DLG1: variants seen among roughly 807,000 people sequenced by gnomAD.
DLG1 encodes disks large homolog 1.
Under a neutral mutation model 123.4 loss-of-function variants are expected in DLG1, and 42 were observed. That is an observed-to-expected ratio of 0.34 (90% CI 0.27 to 0.44). The LOEUF (loss-of-function observed/expected upper bound fraction) is 0.44, where lower values mean the gene tolerates loss of function less well. DLG1 is among the 20% of genes least tolerant of loss of function. The pLI is 1.00. For synonymous variants in DLG1, 317 were observed against 356.2 expected (o/e 0.89, Z 1.24); for missense variants, 942 against 1,082.6 (o/e 0.87, Z 1.82).
chr3:197,063,879 T>G (rs372813299), intron 22 of DLG1, among the ~76,000 whole-genome samples: 2 of 151,936 alleles, frequency 1.3e-5, no homozygotes, highest in Non-Finnish European at 2.9e-5. Flanking sequence ...TATTTCTCCC[T>G]GAATCTGATA....
At chr3:197,275,546 T>C (rs530579801) in intron 4 of DLG1, among the ~76,000 whole-genome samples, 23 of 152,226 alleles carry the variant, frequency 1.5e-4, no homozygotes, top group East Asian at 5.8e-4. Context: ...ATATAGACAA[T>C]AGAATATTAT....
intron 19 of DLG1, among the ~76,000 whole-genome samples, chr3:197,067,235 T>C (rs1445378373): frequency 6.6e-6 from 1 of 152,034 alleles, no homozygotes; most frequent in Non-Finnish European, 1.5e-5. Context: ...TTAAAAATTA[T>C]AAATGCAAAG....
At chr3:197,244,901 C>T (rs565344631) in intron 4 of DLG1, among the ~76,000 whole-genome samples, 4 of 152,086 alleles carry the variant, frequency 2.6e-5, no homozygotes, top group Admixed American at 6.5e-5. Context: ...GGAAGAGAGA[C>T]CAAGTACATA....
At chr3:197,155,084 T>C (rs1303173783) in intron 5 of DLG1, among the ~76,000 whole-genome samples, 1 of 152,050 alleles carries the variant, frequency 6.6e-6, no homozygotes, top group Non-Finnish European at 1.5e-5. Flanking sequence ...AGAAGCTCAA[T>C]AAACAATAAT....
chr3:197,280,289 T>G (rs1049151766), intron 4 of DLG1, among the ~76,000 whole-genome samples: 1 of 152,172 alleles, frequency 6.6e-6, no homozygotes, highest in African/African-American at 2.4e-5. Context: ...TCCATGTTGC[T>G]GCAAATGACA....
intron 5 of DLG1, among the ~76,000 whole-genome samples, chr3:197,154,237 G>A (rs1427140904): frequency 6.6e-6 from 1 of 152,040 alleles, no homozygotes; most frequent in Non-Finnish European, 1.5e-5. Flanking sequence ...AGGAGGTGGA[G>A]GTTGCAATGA....
intron 3 of DLG1, among the ~76,000 whole-genome samples, chr3:197,286,793 A>C (rs1772067604): frequency 6.6e-6 from 1 of 151,948 alleles, no homozygotes; most frequent in East Asian, 1.9e-4. Flanking sequence ...CAATGGTATG[A>C]TCATGCTCAT....
chr3:197,048,331 T>A (rs1724848535), intron 24 of DLG1, among the ~76,000 whole-genome samples: 1 of 152,012 alleles, frequency 6.6e-6, no homozygotes, highest in African/African-American at 2.4e-5. Flanking sequence ...ATTAGCCGGG[T>A]GTGGTGGCAT....
intron 4 of DLG1, among the ~76,000 whole-genome samples, chr3:197,224,020 C>CA (rs1318990827): frequency 6.6e-6 from 1 of 152,124 alleles, no homozygotes; most frequent in African/African-American, 2.4e-5. Context: ...GGTTAAGCCC[C>CA]AAAATAACCC....
chr3:197,086,271 T>C (rs946017189), intron 15 of DLG1, among the ~76,000 whole-genome samples: 1 of 152,222 alleles, frequency 6.6e-6, no homozygotes, highest in African/African-American at 2.4e-5. Flanking sequence ...GTAACAATGA[T>C]GGACACTAAT....
At chr3:197,292,635 G>C (rs965975369) in intron 3 of DLG1, among the ~76,000 whole-genome samples, 5 of 152,058 alleles carry the variant, frequency 3.3e-5, no homozygotes, top group African/African-American at 4.8e-5. Flanking sequence ...ATAAAGATAG[G>C]GTAATGTCCT....
At chr3:197,233,671 C>T (rs1744451440) in intron 4 of DLG1, among the ~76,000 whole-genome samples, 1 of 152,170 alleles carries the variant, frequency 6.6e-6, no homozygotes, top group African/African-American at 2.4e-5. Flanking sequence ...AGGTGTGAGC[C>T]ACCATGCCTG....
rs866194880 is a variant in DLG1, at chr3:197,177,642, G to A, written c.483+16783C>T. ...TCAGAAAATAAATGGTTATAACAGA[G>A]TGACCCCATATGCCTCTATTTACTT... On this transcript the variant is annotated intron_variant, in intron 5 of 24. Transcript: ENST00000667157. Among the ~76,000 whole-genome samples the A allele has an allele frequency of 1.3e-4, 20 of 152,152 alleles. 1 individual carries two copies. The highest frequency in any genetic ancestry group is 7.2e-4 in the Admixed American group (11 of 15,278).
chr3:197,142,920 T>G (rs917202700), intron 6 of DLG1, 152 bp from the exon 7 acceptor site: 1 of 618,866 alleles, frequency 1.6e-6, no homozygotes, highest in East Asian at 3.0e-5. Flanking sequence ...GGGGAAGATT[T>G]TCAAGGAATG....
chr3:197,072,871 A>G (rs535309891), intron 18 of DLG1, among the ~76,000 whole-genome samples: 69 of 152,150 alleles, frequency 4.5e-4, no homozygotes, highest in African/African-American at 1.6e-3. Context: ...TAATTTTTGT[A>G]CTTTTAGTAG....
At chr3:197,099,853 G>C (rs1015641017) in intron 14 of DLG1, among the ~76,000 whole-genome samples, 2 of 152,192 alleles carry the variant, frequency 1.3e-5, no homozygotes, top group African/African-American at 4.8e-5. Flanking sequence ...CTATTTTTAA[G>C]AAGGCCAGTT....
intron 5 of DLG1, among the ~76,000 whole-genome samples, chr3:197,155,276 C>T (rs1013613056): frequency 1.3e-5 from 2 of 152,100 alleles, no homozygotes; most frequent in Admixed American, 6.5e-5. Context: ...TGGAAATACT[C>T]ACTGCTAAAA....
chr3:197,271,767 TTCTTAC>T (rs1316985196), intron 4 of DLG1, among the ~76,000 whole-genome samples: 2 of 152,224 alleles, frequency 1.3e-5, no homozygotes, highest in African/African-American at 2.4e-5. Context: ...TATCTAACTA[TTCTTAC>T]TCTTACGAGA....
intron 14 of DLG1, among the ~76,000 whole-genome samples, chr3:197,098,950 A>T (rs1466590243): frequency 3.3e-5 from 5 of 152,152 alleles, no homozygotes; most frequent in Admixed American, 3.3e-4. Context: ...CCTACTTAAG[A>T]TTCCTACCTT....
Sources: gnomAD v4.1 joint callset for allele counts (sites outside exome capture counted in the v4.1 genomes callset) on GRCh38, gnomAD v4.1.1 for gene constraint, MANE v1.5 for transcripts, NCBI Gene and HGNC (gene_info 2026-07-23, HGNC 2026-07-21) for gene names.